Variants in HMGB2 observed in about 807,000 individuals in gnomAD.
HMGB2 encodes the protein high mobility group protein B2.
A neutral mutation model predicts 23.0 loss-of-function variants in HMGB2; 2 were observed. That is an observed-to-expected ratio of 0.09 (90% CI 0.04 to 0.27). The LOEUF (loss-of-function observed/expected upper bound fraction) is 0.27, where lower values mean the gene tolerates loss of function less well. Among genes scored for constraint, HMGB2 ranks in the 10% least tolerant of loss-of-function variants. HMGB2 has a pLI of 1.00. For synonymous variants in HMGB2, 99 were observed against 87.5 expected (o/e 1.13, Z -0.73); for missense variants, 178 against 256.5 (o/e 0.69, Z 2.09).
chr4:173,333,149 G>A lies in HMGB2; in HGVS notation c.216C>T (p.Asp72=). ...GAGGAACGTAATTTTTCATCTCCCT[G>A]TCATAGCGAGCTTTGTCACTTTTTG... ...DMAKSDKARY[D]REMKNYVPPK... Residue 72 remains aspartate (D), a synonymous_variant, in exon 3 of 5, where the codon GAC becomes GAT. Coordinates refer to ENST00000296503, the MANE Select transcript of HMGB2 (RefSeq NM_002129.4). The surrounding 1 kb of genome is among the most constrained non-coding windows in gnomAD (Gnocchi z 4.6). 6.2e-7 allele frequency: 1 copy of A among 1,614,016 alleles called. No homozygotes were observed. The highest frequency in any genetic ancestry group is 8.5e-7 in the Non-Finnish European group (1 of 1,179,952).
chr4:173,334,255 T>C lies in HMGB2; in HGVS notation c.-21+17A>G, dbSNP rs1178708037. ...AGGCAGGTCCACGAACCCGAGGGTA[T>C]TGGAGGGTATTCTTGCCTGGTGCGA... On this transcript the variant is annotated intron_variant, in intron 1 of 4. Transcript: ENST00000296503. 3.3e-5 allele frequency: 5 copies of C among 152,282 alleles called. No homozygotes were observed. The highest frequency in any genetic ancestry group is 6.5e-5 in the Admixed American group (1 of 15,284). 9.4% of individuals were successfully genotyped at this position (152,282 alleles called of 1,614,324 possible). A position where few individuals can be genotyped will look rare whatever the true frequency, so the allele number is the denominator to read the frequency against.
chr4:173,332,439 G>A, intron 4 of HMGB2: 1 of 550,230 alleles, frequency 1.8e-6, no homozygotes, highest in South Asian at 2.5e-5. Context: ...CGATACAGCA[G>A]TATCAGTACT....
At position 173,333,760 on chromosome 4, in the gene HMGB2, G is replaced by A. The variant is rs1738170835; in HGVS notation, c.-20-91C>T. 3.0e-6 allele frequency: 3 copies of A among 1,015,196 alleles called. No individual in the cohort carries two copies. Among genetic ancestry groups the A allele is most frequent in the South Asian group, 1.8e-5 (1 of 54,208 alleles). The allele number at this position is 1,015,196 out of a possible 1,614,324, so 62.9% of individuals were successfully genotyped here. A position where few individuals can be genotyped will look rare whatever the true frequency, so the allele number is the denominator to read the frequency against. On this transcript the variant is annotated intron_variant, in intron 1 of 4. Coordinates refer to ENST00000296503, the MANE Select transcript of HMGB2 (RefSeq NM_002129.4). This position sits in a 1 kb window ranked among gnomAD's most constrained non-coding sequence, Gnocchi z 4.6. ...GGGCGCTGGCGGGGCTCCGCTTCCC[G>A]CCCAAATCCGCTCCCGCCCTGCCCG...
At position 173,331,378 on chromosome 4, in the gene HMGB2, ATATATATATATATATATG is replaced by A. The variant is rs913886911; in HGVS notation, c.*684_*701del. Among the ~76,000 whole-genome samples, 15 of 135,072 alleles carry A rather than the reference ATATATATATATATATATG, an allele frequency of 1.1e-4. 1 individual carries two copies. In the South Asian group the frequency reaches 2.8e-3, roughly 25 times the overall value. The allele number at this position is 135,072 out of a possible 152,430, so 88.6% of individuals were successfully genotyped here. On this transcript the variant is annotated 3_prime_UTR_variant, in exon 5 of 5. Transcript: ENST00000296503. ...CGTATATATGTGTATATATATACATATATATATATATATATATGTATATATATATACACACACCTGAGG... is the reference window on the plus strand; with the variant it reads ...CGTATATATGTGTATATATATACATATATATATATATACACACACCTGAGG...
Position 173,331,633 on chromosome 4 carries a change from C to T in HMGB2, c.*447G>A, listed in dbSNP as rs1738099849. 1 of 152,940 alleles carries T rather than the reference C, an allele frequency of 6.5e-6. No individual in the cohort carries two copies. The highest frequency in any genetic ancestry group is 2.0e-4 in the South Asian group (1 of 4,952). The allele number at this position is 152,940 out of a possible 1,614,324, so 9.5% of individuals were successfully genotyped here. A position where few individuals can be genotyped will look rare whatever the true frequency, so the allele number is the denominator to read the frequency against. ...GAAATACCGAAAAAAATCAACATAGCTCTGGTCTTCAAATGGCTTTTTTAA... is the reference window on the plus strand; with the variant it reads ...GAAATACCGAAAAAAATCAACATAGTTCTGGTCTTCAAATGGCTTTTTTAA... On this transcript the variant is annotated 3_prime_UTR_variant, in exon 5 of 5. Coordinates refer to ENST00000296503, the MANE Select transcript of HMGB2 (RefSeq NM_002129.4).
chr4:173,331,967 G>C lies in HMGB2; in HGVS notation c.*113C>G. ...AATCTTATCAGCTATACAAAAATCTGTACAGTTTTTATACTGAAGCTAGTA... is the reference window on the plus strand; with the variant it reads ...AATCTTATCAGCTATACAAAAATCTCTACAGTTTTTATACTGAAGCTAGTA... On this transcript the variant is annotated 3_prime_UTR_variant, in exon 5 of 5. Coordinates refer to ENST00000296503, the MANE Select transcript of HMGB2 (RefSeq NM_002129.4). 6.9e-7 allele frequency: 1 copy of C among 1,449,162 alleles called. No individual in the cohort carries two copies. The highest frequency in any genetic ancestry group is 9.3e-7 in the Non-Finnish European group (1 of 1,074,956). 89.8% of individuals were successfully genotyped at this position (1,449,162 alleles called of 1,614,324 possible).
In HMGB2 at chr4:173,333,042, G is replaced by A. The variant is rs545606562; in HGVS notation, c.296+27C>T. 75 of 1,612,488 alleles carry A rather than the reference G, an allele frequency of 4.7e-5. No homozygotes were observed. The South Asian group carries it at 7.6e-4, about 16-fold the overall frequency. On this transcript the variant is annotated intron_variant, in intron 3 of 4. Coordinates refer to ENST00000296503, the MANE Select transcript of HMGB2 (RefSeq NM_002129.4). The surrounding 1 kb of genome is among the most constrained non-coding windows in gnomAD (Gnocchi z 4.6). ...TAATAAACTGAAGGAAAAATCCAAG[G>A]AGCAATTTGGGTTATTTTAAACTTA...
In HMGB2 at chr4:173,333,321, G is replaced by C; in HGVS notation, c.151-107C>G. On this transcript the variant is annotated intron_variant, in intron 2 of 4. Transcript: ENST00000296503. The surrounding 1 kb of genome is among the most constrained non-coding windows in gnomAD (Gnocchi z 4.6). ...ACCACATTTTCCTTAACAGCATTTT[G>C]CTTTCGAAGTCTTATATAAGTAAAA... The C allele has an allele frequency of 2.1e-6, 3 of 1,398,588 alleles. No homozygotes were observed. The highest frequency in any genetic ancestry group is 2.9e-6 in the Non-Finnish European group (3 of 1,026,756). The allele number at this position is 1,398,588 out of a possible 1,614,324, so 86.6% of individuals were successfully genotyped here.
rs1354806679 is a variant in HMGB2, at chr4:173,331,691, A to C, written c.*389T>G. On this transcript the variant is annotated 3_prime_UTR_variant, in exon 5 of 5. Transcript: ENST00000296503. ...ATTAACTTAGCATATTAAGACAAAG[A>C]CAATAGAAATAATATACATAATTTT... The C allele has an allele frequency of 6.3e-6, 1 of 158,534 alleles. No homozygotes were observed. Among genetic ancestry groups the C allele is most frequent in the Non-Finnish European group, 1.4e-5 (1 of 72,274 alleles). The allele number at this position is 158,534 out of a possible 1,614,324, so 9.8% of individuals were successfully genotyped here.
chr4:173,333,282 G>A lies in HMGB2; in HGVS notation c.151-68C>T. On this transcript the variant is annotated intron_variant, in intron 2 of 4. Coordinates refer to ENST00000296503, the MANE Select transcript of HMGB2 (RefSeq NM_002129.4). This position sits in a 1 kb window ranked among gnomAD's most constrained non-coding sequence, Gnocchi z 4.6. Reference sequence around the variant, plus strand: ...ACCTATAAACATCCAAAGACGACAAGATCATCTTTAAGGACCACATTTTCC... The same window carrying A: ...ACCTATAAACATCCAAAGACGACAAAATCATCTTTAAGGACCACATTTTCC... The A allele has an allele frequency of 1.3e-6, 2 of 1,525,058 alleles. No individual in the cohort carries two copies. Among genetic ancestry groups the A allele is most frequent in the Non-Finnish European group, 1.8e-6 (2 of 1,124,892 alleles). The allele number at this position is 1,525,058 out of a possible 1,614,324, so 94.5% of individuals were successfully genotyped here.
chr4:173,333,337 A>AT lies in HMGB2; in HGVS notation c.151-124dup. 1 of 1,370,064 alleles carries AT rather than the reference A, an allele frequency of 7.3e-7. No individual in the cohort carries two copies. Among genetic ancestry groups the AT allele is most frequent in the Non-Finnish European group, 1.0e-6 (1 of 1,004,984 alleles). The allele number at this position is 1,370,064 out of a possible 1,614,324, so 84.9% of individuals were successfully genotyped here. On this transcript the variant is annotated intron_variant, in intron 2 of 4. Transcript: ENST00000296503. The surrounding 1 kb of genome is among the most constrained non-coding windows in gnomAD (Gnocchi z 4.6). Reference sequence around the variant, plus strand: ...CAGCATTTTGCTTTCGAAGTCTTATATAAGTAAAAACCTAAAATCGTCTGC... The same window carrying AT: ...CAGCATTTTGCTTTCGAAGTCTTATATTAAGTAAAAACCTAAAATCGTCTGC...
chr4:173,333,800 C>G lies in HMGB2; in HGVS notation c.-20-131G>C. ...CGCCCTGCCCGCGCCCCCCTCCTCC[C>G]GAGGGCGTCCTCCCAAGGGCGGCCG... On this transcript the variant is annotated intron_variant, in intron 1 of 4. Coordinates refer to ENST00000296503, the MANE Select transcript of HMGB2 (RefSeq NM_002129.4). The surrounding 1 kb of genome is among the most constrained non-coding windows in gnomAD (Gnocchi z 4.6). 5.4e-6 allele frequency: 3 copies of G among 557,972 alleles called. No homozygotes were observed. Among genetic ancestry groups the G allele is most frequent in the Non-Finnish European group, 8.0e-6 (3 of 374,154 alleles). 34.6% of individuals were successfully genotyped at this position (557,972 alleles called of 1,614,324 possible). A position where few individuals can be genotyped will look rare whatever the true frequency, so the allele number is the denominator to read the frequency against.
At position 173,332,247 on chromosome 4, in the gene HMGB2, T is replaced by C. The variant is rs747834489; in HGVS notation, c.472-9A>G. On this transcript the variant is annotated splice_polypyrimidine_tract_variant and intron_variant, in intron 4 of 4. Coordinates refer to ENST00000296503, the MANE Select transcript of HMGB2 (RefSeq NM_002129.4). The stretch of plus-strand genomic sequence containing the variant: ...CGATATGCAGCAATATCCTGAAATA[T>C]TGTCAAAAAAATAAAGCATCCGGTA... The C allele has an allele frequency of 6.4e-7, 1 of 1,551,922 alleles. No individual in the cohort carries two copies. Among genetic ancestry groups the C allele is most frequent in the East Asian group, 2.3e-5 (1 of 44,116 alleles).
chr4:173,332,399 CAAGTT>C, intron 4 of HMGB2, 161 bp from the exon 5 acceptor site: 1 of 586,538 alleles, frequency 1.7e-6, no homozygotes, highest in Non-Finnish European at 3.0e-6. Context: ...TAGGCTTTAA[CAAGTT>C]AATGACGTAA....
chr4:173,331,398 A>G lies in HMGB2; in HGVS notation c.*682T>C, dbSNP rs895073301. Among the ~76,000 whole-genome samples, 67 of 109,136 alleles carry G rather than the reference A, an allele frequency of 6.1e-4. No homozygotes were observed. Among genetic ancestry groups the G allele is most frequent in the East Asian group, 1.5e-3 (5 of 3,344 alleles). The allele number at this position is 109,136 out of a possible 152,430, so 71.6% of individuals were successfully genotyped here. A position where few individuals can be genotyped will look rare whatever the true frequency, so the allele number is the denominator to read the frequency against. On this transcript the variant is annotated 3_prime_UTR_variant, in exon 5 of 5. Transcript: ENST00000296503. The stretch of plus-strand genomic sequence containing the variant: ...TACATATATATATATATATATATGT[A>G]TATATATATACACACACCTGAGGAA...
Position 173,333,838 on chromosome 4 carries a change from C to T in HMGB2, c.-20-169G>A, listed in dbSNP as rs2126889416. Among the ~76,000 whole-genome samples the T allele has an allele frequency of 6.6e-6, 1 of 151,706 alleles. No homozygotes were observed. Among genetic ancestry groups the T allele is most frequent in the African/African-American group, 2.4e-5 (1 of 41,404 alleles). ...CCAAGGGCGGCCGCCCGCGCCCCCG[C>T]CCGCGCCCCGGCGCACACCCTCCTC... On this transcript the variant is annotated intron_variant, in intron 1 of 4. Transcript: ENST00000296503. The surrounding 1 kb of genome is among the most constrained non-coding windows in gnomAD (Gnocchi z 4.6).
intron 4 of HMGB2, 26 bp downstream of exon 4, chr4:173,332,795 C>A: frequency 6.3e-7 from 1 of 1,594,834 alleles, no homozygotes; most frequent in Non-Finnish European, 8.6e-7. Context: ...GTCTTATCCA[C>A]GGCTTTAAAA....
rs33987506 is a variant in HMGB2, at chr4:173,331,394, A to ATATATATATG, written c.*685_*686insCATATATATA. On this transcript the variant is annotated 3_prime_UTR_variant, in exon 5 of 5. Transcript: ENST00000296503. ...TATATACATATATATATATATATAT[A>ATATATATATG]TGTATATATATATACACACACCTGA... 1.1e-3 allele frequency among the ~76,000 whole-genome samples: 148 copies of ATATATATATG among 138,848 alleles called. 3 individuals are homozygous for ATATATATATG. Among genetic ancestry groups the ATATATATATG allele is most frequent in the African/African-American group, 3.6e-3 (125 of 34,378 alleles). 91.1% of individuals were successfully genotyped at this position (138,848 alleles called of 152,430 possible).
rs2126887792 is a variant in HMGB2, at chr4:173,331,403, T to C, written c.*677A>G. Among the ~76,000 whole-genome samples the C allele has an allele frequency of 6.8e-6, 1 of 146,816 alleles. No individual in the cohort carries two copies. The highest frequency in any genetic ancestry group is 3.6e-3 in the Middle Eastern group (1 of 280). ...ATATATATATATATATATGTATATA[T>C]ATATACACACACCTGAGGAACAATT... On this transcript the variant is annotated 3_prime_UTR_variant, in exon 5 of 5. Transcript: ENST00000296503.
Sources: gnomAD v4.1 joint callset for allele counts (sites outside exome capture counted in the v4.1 genomes callset) on GRCh38, gnomAD v4.1.1 for gene constraint, Gnocchi (gnomAD v3.1) non-coding constraint, MANE v1.5 for transcripts, NCBI Gene and HGNC (gene_info 2026-07-23, HGNC 2026-07-21) for gene names.